PGBD5: variants seen among roughly 807,000 people sequenced by gnomAD.
The protein encoded by PGBD5 is piggyBac transposable element-derived protein 5.
A neutral mutation model predicts 47.9 loss-of-function variants in PGBD5; 14 were observed. The ratio of observed to expected loss-of-function variants is 0.29; its 90% CI spans 0.19 to 0.46. The LOEUF (loss-of-function observed/expected upper bound fraction) is 0.46, where lower values mean the gene tolerates loss of function less well. PGBD5 is among the 20% of genes least tolerant of loss of function. The pLI is 1.00. For synonymous variants in PGBD5, 316 were observed against 306.3 expected, an observed-to-expected ratio of 1.03 and a Z score of -0.33; for missense variants, 635 against 716.0, an observed-to-expected ratio of 0.89 and a Z score of 1.29.
chr1:230,379,582 A>C (rs185927982), intron 1 of PGBD5, among the ~76,000 whole-genome samples: 2 of 152,336 alleles, frequency 1.3e-5, no homozygotes, highest in Admixed American at 1.3e-4. Flanking sequence ...ACTCATGTTC[A>C]CCAGCATGCA....
intron 5 of PGBD5, among the ~76,000 whole-genome samples, chr1:230,327,531 G>T (rs1247213977): frequency 6.6e-6 from 1 of 152,238 alleles, no homozygotes; most frequent in African/African-American, 2.4e-5. Context: ...CAGGACCGGG[G>T]AAGGGGCCCT....
rs1300341206 is a variant in PGBD5, at chr1:230,318,190, G to A, written c.*5235C>T. 2.6e-5 allele frequency: 4 copies of A among 152,252 alleles called. No individual in the cohort carries two copies. Among genetic ancestry groups the A allele is most frequent in the African/African-American group, 9.6e-5 (4 of 41,456 alleles). The allele number at this position is 152,252 out of a possible 1,614,324, so 9.4% of individuals were successfully genotyped here. A position where few individuals can be genotyped will look rare whatever the true frequency, so the allele number is the denominator to read the frequency against. On this transcript the variant is annotated 3_prime_UTR_variant, in exon 7 of 7. Coordinates refer to ENST00000391860, the MANE Select transcript of PGBD5 (RefSeq NM_001258311.2). ...GGCCAGAGGGCATGCTTACTCTCTG[G>A]TGCTATTTTATGGCAACAGCTCTAA... is the stretch of plus-strand genomic sequence containing the variant.
intron 3 of PGBD5, among the ~76,000 whole-genome samples, chr1:230,350,616 T>C (rs1050159771): frequency 6.6e-6 from 1 of 152,190 alleles, no homozygotes; most frequent in Non-Finnish European, 1.5e-5. Context: ...AGGGAGATGG[T>C]AGAAACCTCG....
In PGBD5 at chr1:230,357,231, T is replaced by G; in HGVS notation, c.422A>C (p.Gln141Pro). The change falls in exon 2 of 7, where the codon CAG becomes CCG. Residue 141 changes from glutamine to proline, a missense_variant. Coordinates refer to ENST00000391860, the MANE Select transcript of PGBD5 (RefSeq NM_001258311.2). This position sits in a 1 kb window ranked among gnomAD's most constrained non-coding sequence, Gnocchi z 5.7. ...GAACTTCTTGGCATACATGTTTGTC[T>G]GCACCACCATGTTCTTGAGGACGTT... ...PDNVLKNMVV[Q>P]TNMYAKKFQE... The G allele has an allele frequency of 6.2e-7, 1 of 1,614,172 alleles. No individual in the cohort carries two copies. The highest frequency in any genetic ancestry group is 8.5e-7 in the Non-Finnish European group (1 of 1,180,034).
chr1:230,332,767 C>T, intron 5 of PGBD5, 77 bp downstream of exon 5: 1 of 1,537,722 alleles, frequency 6.5e-7, no homozygotes, highest in Non-Finnish European at 8.9e-7. Flanking sequence ...GACGCCACAT[C>T]CACCGCAGCG....
intron 1 of PGBD5, among the ~76,000 whole-genome samples, chr1:230,373,878 C>T (rs1212969953): frequency 6.6e-6 from 1 of 151,940 alleles, no homozygotes; most frequent in African/African-American, 2.4e-5. Flanking sequence ...TTTAATTTTT[C>T]GTAGAGATGG....
chr1:230,342,728 T>C (rs540300170), intron 3 of PGBD5, among the ~76,000 whole-genome samples: 1 of 152,212 alleles, frequency 6.6e-6, no homozygotes, highest in Non-Finnish European at 1.5e-5. Flanking sequence ...AAGGATAACG[T>C]TGCCATATGC....
At chr1:230,418,826 A>G (rs1657582046) in intron 1 of PGBD5, among the ~76,000 whole-genome samples, 1 of 152,256 alleles carries the variant, frequency 6.6e-6, no homozygotes, top group Admixed American at 6.5e-5. Context: ...TCTGGGTGGT[A>G]GTGACACAGG....
At chr1:230,364,632 A>G (rs1417721895) in intron 1 of PGBD5, among the ~76,000 whole-genome samples, 1 of 132,852 alleles carries the variant, frequency 7.5e-6, no homozygotes, top group Non-Finnish European at 1.7e-5. Flanking sequence ...AGAAGTTAGC[A>G]ATAAAAATAA....
At chr1:230,384,009 C>G (rs531626578) in intron 1 of PGBD5, among the ~76,000 whole-genome samples, 2 of 150,902 alleles carry the variant, frequency 1.3e-5, no homozygotes, top group South Asian at 4.2e-4. Flanking sequence ...AGAGAAACAG[C>G]GTGCTTGTCC....
In PGBD5 at chr1:230,321,438, G is replaced by C. The variant is rs1449353526; in HGVS notation, c.*1987C>G. On this transcript the variant is annotated 3_prime_UTR_variant, in exon 7 of 7. Coordinates refer to ENST00000391860, the MANE Select transcript of PGBD5 (RefSeq NM_001258311.2). Reference sequence around the variant, plus strand: ...TCCTCCCACCTCAGCCTCCCAAGTAGCTGGGACTGCAGGCATGTGCCACCA... The same window carrying C: ...TCCTCCCACCTCAGCCTCCCAAGTACCTGGGACTGCAGGCATGTGCCACCA... 1 of 152,214 alleles carries C rather than the reference G, an allele frequency of 6.6e-6. No homozygotes were observed. The highest frequency in any genetic ancestry group is 2.4e-5 in the African/African-American group (1 of 41,454). 9.4% of individuals were successfully genotyped at this position (152,214 alleles called of 1,614,324 possible). A position where few individuals can be genotyped will look rare whatever the true frequency, so the allele number is the denominator to read the frequency against.
In PGBD5 at chr1:230,425,574, A is replaced by T; in HGVS notation, c.331+24T>A. 1 of 1,215,316 alleles carries T rather than the reference A, an allele frequency of 8.2e-7. No homozygotes were observed. The highest frequency in any genetic ancestry group is 1.0e-6 in the Non-Finnish European group (1 of 977,486). 75.3% of individuals were successfully genotyped at this position (1,215,316 alleles called of 1,614,324 possible). A position where few individuals can be genotyped will look rare whatever the true frequency, so the allele number is the denominator to read the frequency against. On this transcript the variant is annotated intron_variant, in intron 1 of 6. Coordinates refer to ENST00000391860, the MANE Select transcript of PGBD5 (RefSeq NM_001258311.2). This position sits in a 1 kb window ranked among gnomAD's most constrained non-coding sequence, Gnocchi z 4.7. ...GCCCGGTTCCAGCGCCGCCCCCGACATCCACCCGCGGGCAGCCCCTTACCG... is the reference window on the plus strand; with the variant it reads ...GCCCGGTTCCAGCGCCGCCCCCGACTTCCACCCGCGGGCAGCCCCTTACCG...
chr1:230,330,344 C>A (rs1667193968), intron 5 of PGBD5, among the ~76,000 whole-genome samples: 1 of 152,210 alleles, frequency 6.6e-6, no homozygotes, highest in Non-Finnish European at 1.5e-5. Context: ...CCCTTTGACC[C>A]AGCACTTCCG....
At chr1:230,370,884 T>C (rs1001020644) in intron 1 of PGBD5, among the ~76,000 whole-genome samples, 1 of 152,198 alleles carries the variant, frequency 6.6e-6, no homozygotes, top group Non-Finnish European at 1.5e-5. Context: ...TCTGGTCCCA[T>C]GTATTAGATA....
intron 4 of PGBD5, among the ~76,000 whole-genome samples, chr1:230,336,847 C>T (rs1050181857): frequency 1.4e-5 from 2 of 138,924 alleles, no homozygotes; most frequent in South Asian, 2.4e-4. Context: ...ACAAATGCCC[C>T]GAAGGCCAGG....
At chr1:230,422,819 T>C (rs1174130037) in intron 1 of PGBD5, among the ~76,000 whole-genome samples, 1 of 152,070 alleles carries the variant, frequency 6.6e-6, no homozygotes, top group Non-Finnish European at 1.5e-5. Context: ...AATGTTGCTT[T>C]TAGGGCTGGC....
At chr1:230,365,374 G>C (rs1280543882) in intron 1 of PGBD5, among the ~76,000 whole-genome samples, 1 of 151,234 alleles carries the variant, frequency 6.6e-6, no homozygotes, top group African/African-American at 2.4e-5. Flanking sequence ...ACCTTGACTA[G>C]AGGTCACATG....
intron 1 of PGBD5, among the ~76,000 whole-genome samples, chr1:230,399,652 C>T (rs537608842): frequency 2.9e-4 from 44 of 152,324 alleles, no homozygotes; most frequent in Admixed American, 9.1e-4. Flanking sequence ...CGTCACCAGT[C>T]GTGACCATAG....
At chr1:230,352,904 C>T (rs2102702824) in intron 2 of PGBD5, among the ~76,000 whole-genome samples, 1 of 152,316 alleles carries the variant, frequency 6.6e-6, no homozygotes, top group Admixed American at 6.5e-5. Flanking sequence ...GTGCATCCTA[C>T]TCTGTCCTCT....
Sources: gnomAD v4.1 joint callset for allele counts (sites outside exome capture counted in the v4.1 genomes callset) on GRCh38, gnomAD v4.1.1 for gene constraint, Gnocchi (gnomAD v3.1) non-coding constraint, MANE v1.5 for transcripts, NCBI Gene and HGNC (gene_info 2026-07-23, HGNC 2026-07-21) for gene names.